Variants in LRP1B observed in about 807,000 individuals in gnomAD.
LRP1B encodes low-density lipoprotein receptor-related protein 1B.
LRP1B carries 217 observed loss-of-function variants against 556.6 expected under a neutral mutation model. The observed-to-expected ratio is 0.39, with a 90% CI of 0.35 to 0.44. LRP1B has a LOEUF of 0.44. Ranked by LOEUF, LRP1B falls within the 20% of genes least tolerant of loss-of-function variation. LRP1B has a pLI of 1.00. For synonymous variants in LRP1B, 2,047 were observed against 1,865.8 expected (o/e 1.10, Z -2.50); for missense variants, 5,053 against 5,620.8 (o/e 0.90, Z 3.23).
At chr2:140,440,578 G>T (rs560098518) in intron 66 of LRP1B, among the ~76,000 whole-genome samples, 1 of 152,270 alleles carries the variant, frequency 6.6e-6, no homozygotes, top group Admixed American at 6.5e-5. Context: ...GAGGACAAAA[G>T]AGAAGGGAAC....
intron 43 of LRP1B, among the ~76,000 whole-genome samples, chr2:140,543,316 T>C (rs1680203933): frequency 1.3e-5 from 2 of 151,786 alleles, no homozygotes; most frequent in South Asian, 4.2e-4. Context: ...AGAAGGGAAA[T>C]TTAAAAAAAT....
chr2:140,423,770 C>T (rs1464080780), intron 66 of LRP1B, among the ~76,000 whole-genome samples: 2 of 152,014 alleles, frequency 1.3e-5, no homozygotes, highest in Non-Finnish European at 2.9e-5. Flanking sequence ...TATGTACCTA[C>T]AGTGAAATAA....
chr2:140,493,818 A>T (rs1353159968), intron 56 of LRP1B, among the ~76,000 whole-genome samples: 1 of 152,108 alleles, frequency 6.6e-6, no homozygotes, highest in African/African-American at 2.4e-5. Flanking sequence ...ATTATGTTTC[A>T]GTATATACTA....
At chr2:141,357,555 A>G (rs1035817586) in intron 3 of LRP1B, among the ~76,000 whole-genome samples, 2 of 152,210 alleles carry the variant, frequency 1.3e-5, no homozygotes, top group Non-Finnish European at 2.9e-5. Context: ...ATATCAAGAA[A>G]TAATAATCTA....
chr2:141,812,242 T>C (rs1232417117), intron 1 of LRP1B, among the ~76,000 whole-genome samples: 1 of 152,106 alleles, frequency 6.6e-6, no homozygotes, highest in Non-Finnish European at 1.5e-5. Flanking sequence ...CAAATTATTT[T>C]GCTTATAGAT....
chr2:141,394,185 G>T (rs1344443821), intron 3 of LRP1B, among the ~76,000 whole-genome samples: 1 of 152,026 alleles, frequency 6.6e-6, no homozygotes, highest in Admixed American at 6.6e-5. Context: ...TGCATAATAA[G>T]AAATCATCTC....
At chr2:141,079,674 C>T (rs1699877101) in intron 7 of LRP1B, among the ~76,000 whole-genome samples, 1 of 152,146 alleles carries the variant, frequency 6.6e-6, no homozygotes, top group Admixed American at 6.5e-5. Flanking sequence ...AGAACTTACA[C>T]TAGTCTGTAT....
intron 20 of LRP1B, among the ~76,000 whole-genome samples, chr2:140,944,949 T>C (rs955932022): frequency 6.6e-6 from 1 of 152,072 alleles, no homozygotes; most frequent in Non-Finnish European, 1.5e-5. Context: ...GGCATCCAAA[T>C]AGGAAATGAA....
chr2:141,881,850 G>A (rs1303118200), intron 1 of LRP1B, among the ~76,000 whole-genome samples: 1 of 152,008 alleles, frequency 6.6e-6, no homozygotes, highest in Non-Finnish European at 1.5e-5. Context: ...TGTCAATATT[G>A]AATATCAAAA....
chr2:142,002,021 TA>T (rs1044070289), intron 1 of LRP1B, among the ~76,000 whole-genome samples: 4 of 152,120 alleles, frequency 2.6e-5, no homozygotes, highest in African/African-American at 9.6e-5. Flanking sequence ...TTAATTCAAC[TA>T]AAAAAGGAAA....
chr2:141,069,244 C>A (rs545509254), intron 7 of LRP1B, among the ~76,000 whole-genome samples: 52 of 152,120 alleles, frequency 3.4e-4, no homozygotes, highest in African/African-American at 1.3e-3. Flanking sequence ...TTTCTTTCAA[C>A]TTGCCTTTCA....
chr2:140,377,078 C>CT (rs202124860), intron 68 of LRP1B, among the ~76,000 whole-genome samples: 2 of 151,950 alleles, frequency 1.3e-5, no homozygotes, highest in Admixed American at 6.6e-5. Flanking sequence ...GGAACAGGAT[C>CT]TTTTTTTGTT....
At chr2:141,604,569 T>C (rs1018049743) in intron 2 of LRP1B, among the ~76,000 whole-genome samples, 1 of 152,192 alleles carries the variant, frequency 6.6e-6, no homozygotes, top group Non-Finnish European at 1.5e-5. Context: ...TTTCTTCTGA[T>C]TGATCCTCAA....
chr2:141,101,029 G>T (rs1700447816), intron 7 of LRP1B, among the ~76,000 whole-genome samples: 1 of 152,080 alleles, frequency 6.6e-6, no homozygotes, highest in African/African-American at 2.4e-5. Flanking sequence ...GACATACCAT[G>T]CAAGGCCGTG....
chr2:140,682,933 A>G (rs970947452), intron 41 of LRP1B, among the ~76,000 whole-genome samples: 35 of 152,302 alleles, frequency 2.3e-4, no homozygotes, highest in African/African-American at 8.2e-4. Context: ...TCTTCCTTAT[A>G]TCTGAATCTG....
chr2:140,984,804 G>A (rs1696869469), intron 17 of LRP1B, among the ~76,000 whole-genome samples: 1 of 152,210 alleles, frequency 6.6e-6, no homozygotes, highest in Middle Eastern at 3.4e-3. Flanking sequence ...TAATCATGGA[G>A]AAAATTATTC....
At chr2:141,760,281 C>T (rs531882455) in intron 2 of LRP1B, among the ~76,000 whole-genome samples, 39 of 151,918 alleles carry the variant, frequency 2.6e-4, no homozygotes, top group African/African-American at 7.2e-4. Flanking sequence ...AATACTAAGA[C>T]GATATGAAAA....
intron 13 of LRP1B, among the ~76,000 whole-genome samples, chr2:141,014,467 A>T (rs2105387054): frequency 6.6e-6 from 1 of 152,210 alleles, no homozygotes; most frequent in African/African-American, 2.4e-5. Flanking sequence ...AAGGGGAATA[A>T]ATTATACCTC....
intron 43 of LRP1B, among the ~76,000 whole-genome samples, chr2:140,565,972 G>A (rs1163860305): frequency 2.0e-5 from 3 of 152,168 alleles, no homozygotes; most frequent in Non-Finnish European, 4.4e-5. Flanking sequence ...GAGCTGCCTG[G>A]AGTCCACACG....
Sources: allele counts gnomAD v4.1 joint callset (sites outside exome capture counted in the v4.1 genomes callset), GRCh38; gene constraint gnomAD v4.1.1; transcripts MANE v1.5; gene names NCBI Gene and HGNC (gene_info 2026-07-23, HGNC 2026-07-21).